NCAM1: variants seen among roughly 807,000 people sequenced by gnomAD.
NCAM1 encodes antigen recognized by monoclonal antibody 5.1H11.
Under a neutral mutation model 109.8 loss-of-function variants are expected in NCAM1, and 14 were observed. The observed-to-expected ratio is 0.13, with a 90% CI of 0.08 to 0.20. The LOEUF (loss-of-function observed/expected upper bound fraction) is 0.20. Ranked by LOEUF, NCAM1 falls within the 10% of genes least tolerant of loss-of-function variation. NCAM1 has a pLI of 1.00. For missense variants in NCAM1, 774 were observed against 1,109.9 expected (o/e 0.70, Z 4.30); for synonymous variants, 418 against 442.9 (o/e 0.94, Z 0.70).
chr11:113,104,433 T>A (rs185195326), intron 1 of NCAM1, among the ~76,000 whole-genome samples: 2 of 152,092 alleles, frequency 1.3e-5, no homozygotes, highest in African/African-American at 4.8e-5. Context: ...TGATGAAATA[T>A]GTGTGAATGA....
At chr11:113,138,046 A>C (rs1417660601) in intron 1 of NCAM1, among the ~76,000 whole-genome samples, 1 of 152,346 alleles carries the variant, frequency 6.6e-6, no homozygotes, top group East Asian at 1.9e-4. Flanking sequence ...TCATCTAAGA[A>C]AACAGCAGTG....
rs1483012322 is a variant in NCAM1, at chr11:113,233,314, G to C, written c.1690G>C (p.Glu564Gln). 2 of 1,612,508 alleles carry C rather than the reference G, an allele frequency of 1.2e-6. No individual in the cohort carries two copies. Among genetic ancestry groups the C allele is most frequent in the Non-Finnish European group, 1.7e-6 (2 of 1,179,338 alleles). ...GCATTCCAAGTGGTATGATGCCAAGGAAGGTGAGTTGGGCGAGTTGGTGTT... is the reference window on the plus strand; with the variant it reads ...GCATTCCAAGTGGTATGATGCCAAGCAAGGTGAGTTGGGCGAGTTGGTGTT... ...VWHSKWYDAKEASMEGIVTIV... is the reference protein window; with the variant it reads ...VWHSKWYDAKQASMEGIVTIV... Residue 564 changes from glutamate to glutamine, a missense_variant, in exon 13 of 20, where the codon GAA becomes CAA. Glu to Gln is a conservative substitution (Grantham distance 29). Transcript: ENST00000316851. The surrounding 1 kb of genome is among the most constrained non-coding windows in gnomAD (Gnocchi z 4.5).
At chr11:113,064,361 G>T (rs1015059886) in intron 1 of NCAM1, among the ~76,000 whole-genome samples, 1 of 152,150 alleles carries the variant, frequency 6.6e-6, no homozygotes, top group African/African-American at 2.4e-5. Context: ...TCTTTCAAGA[G>T]GACATACTTG....
rs1480149524 is a variant in NCAM1 at position 112,963,421 on chromosome 11, G to A, written c.52+1757G>A. The A allele has an allele frequency of 2.6e-5, 4 of 152,170 alleles. No homozygotes were observed. The highest frequency in any genetic ancestry group is 4.1e-4 in the South Asian group (2 of 4,830). The allele number at this position is 152,170 out of a possible 1,614,324, so 9.4% of individuals were successfully genotyped here. On this transcript the variant is annotated intron_variant, in intron 1 of 19. Coordinates refer to ENST00000316851, the MANE Select transcript of NCAM1 (RefSeq NM_181351.5). The surrounding 1 kb of genome is among the most constrained non-coding windows in gnomAD (Gnocchi z 4.6). ...GGAATCCGGGCCTGAGCGCGTCGCC[G>A]GGGAGGGCATCCTGGCAGGCACACC... is the stretch of plus-strand genomic sequence containing the variant.
chr11:113,008,223 G>T (rs1196770110), intron 1 of NCAM1, among the ~76,000 whole-genome samples: 1 of 152,166 alleles, frequency 6.6e-6, no homozygotes, highest in Non-Finnish European at 1.5e-5. Context: ...GAGGATCAGA[G>T]AATTTAGCCT....
chr11:113,001,103 G>C (rs1951743664), intron 1 of NCAM1, among the ~76,000 whole-genome samples: 1 of 152,090 alleles, frequency 6.6e-6, no homozygotes, highest in Non-Finnish European at 1.5e-5. Flanking sequence ...TTTCAGAACA[G>C]CCATTTTCTA....
At chr11:113,001,798 T>G (rs1379536178) in intron 1 of NCAM1, among the ~76,000 whole-genome samples, 1 of 152,050 alleles carries the variant, frequency 6.6e-6, no homozygotes, top group Non-Finnish European at 1.5e-5. Flanking sequence ...ATTGGCTCAT[T>G]TAGATAAAAA....
intron 1 of NCAM1, among the ~76,000 whole-genome samples, chr11:113,164,483 C>T (rs1942713542): frequency 1.3e-5 from 2 of 152,176 alleles, no homozygotes; most frequent in South Asian, 4.1e-4. Flanking sequence ...CAGGTTGTGA[C>T]CTTTGCTTCT....
intron 1 of NCAM1, among the ~76,000 whole-genome samples, chr11:113,164,045 C>CT (rs1159882451): frequency 6.6e-6 from 1 of 152,184 alleles, no homozygotes; most frequent in African/African-American, 2.4e-5. Flanking sequence ...AGCATCCTCC[C>CT]TCCCCTTGTG....
At chr11:113,195,262 T>C (rs528333670) in intron 1 of NCAM1, among the ~76,000 whole-genome samples, 1 of 152,330 alleles carries the variant, frequency 6.6e-6, no homozygotes, top group African/African-American at 2.4e-5. Context: ...ATGTCAAGTA[T>C]AGACAAGACT....
chr11:113,207,612 T>G (rs1944274975), intron 6 of NCAM1, among the ~76,000 whole-genome samples: 1 of 152,154 alleles, frequency 6.6e-6, no homozygotes, highest in African/African-American at 2.4e-5. Context: ...GGGAGCCCAC[T>G]TTGAAACATT....
rs145493999 is a variant in NCAM1 at position 112,961,554 on chromosome 11, A to AGG, written c.-50_-49dup. The stretch of plus-strand genomic sequence containing the variant: ...CTCAGCCGCCGTCCACACTCGCTGC[A>AGG]GGGGGGGGGGCACAGAATTTACCGC... On this transcript the variant is annotated 5_prime_UTR_variant, in exon 1 of 20. Transcript: ENST00000316851. The AGG allele has an allele frequency of 2.8e-3, 2,613 of 941,684 alleles. 2 individuals are homozygous for AGG. The highest frequency in any genetic ancestry group is 9.6e-3 in the Middle Eastern group (43 of 4,496). The allele number at this position is 941,684 out of a possible 1,614,324, so 58.3% of individuals were successfully genotyped here.
At chr11:113,122,875 C>A (rs1036177181) in intron 1 of NCAM1, among the ~76,000 whole-genome samples, 79 of 152,348 alleles carry the variant, frequency 5.2e-4, no homozygotes, top group African/African-American at 1.8e-3. Flanking sequence ...TTTCCATTCC[C>A]TCCAGCACCT....
At chr11:113,075,502 A>G (rs1938489959) in intron 1 of NCAM1, among the ~76,000 whole-genome samples, 1 of 152,120 alleles carries the variant, frequency 6.6e-6, no homozygotes. Context: ...TCATTCTCAC[A>G]TTCCTTAGCT....
chr11:113,264,094 A>G lies in NCAM1; in HGVS notation c.2131+3771A>G, dbSNP rs1946080608. The G allele has an allele frequency of 3.0e-6, 3 of 985,364 alleles. No individual in the cohort carries two copies. The South Asian group carries it at 1.4e-4, about 46-fold the overall frequency. The allele number at this position is 985,364 out of a possible 1,614,324, so 61.0% of individuals were successfully genotyped here. ...TCAGGGCTGAATCCTGCTTGGTAATATCAGTGTGTGTGCTTGGGGATGGAC... is the reference window on the plus strand; with the variant it reads ...TCAGGGCTGAATCCTGCTTGGTAATGTCAGTGTGTGTGCTTGGGGATGGAC... On this transcript the variant is annotated intron_variant, in intron 17 of 19. Transcript: ENST00000316851.
chr11:113,211,047 C>T (rs1250633997), intron 7 of NCAM1, among the ~76,000 whole-genome samples: 2 of 152,204 alleles, frequency 1.3e-5, no homozygotes, highest in African/African-American at 4.8e-5. Context: ...TTTTCCCATC[C>T]ATCTTCCCTT....
At chr11:113,040,592 TC>T (rs1436440177) in intron 1 of NCAM1, among the ~76,000 whole-genome samples, 2 of 152,216 alleles carry the variant, frequency 1.3e-5, no homozygotes, top group African/African-American at 4.8e-5. Context: ...TCTACCCTGT[TC>T]TTAACTTTAA....
intron 1 of NCAM1, among the ~76,000 whole-genome samples, chr11:113,180,461 G>C (rs1272965718): frequency 6.6e-6 from 1 of 152,188 alleles, no homozygotes; most frequent in African/African-American, 2.4e-5. Flanking sequence ...GTTTTTCTTA[G>C]CATGACACTT....
At chr11:113,160,053 G>T (rs1475657639) in intron 1 of NCAM1, among the ~76,000 whole-genome samples, 1 of 151,968 alleles carries the variant, frequency 6.6e-6, no homozygotes, top group Non-Finnish European at 1.5e-5. Context: ...TAGGTTTCAC[G>T]TGTACCTGCT....
Sources: gnomAD v4.1 joint callset for allele counts (sites outside exome capture counted in the v4.1 genomes callset) on GRCh38, gnomAD v4.1.1 for gene constraint, Gnocchi (gnomAD v3.1) non-coding constraint, MANE v1.5 for transcripts, NCBI Gene and HGNC (gene_info 2026-07-23, HGNC 2026-07-21) for gene names.